The following HAUS2 variants were observed in gnomAD, a reference collection of about 807,000 sequenced individuals.
HAUS2 encodes HAUS augmin-like complex subunit 2.
In HAUS2, 20 loss-of-function variants were observed where a neutral mutation model predicts 21.6. The observed-to-expected ratio is 0.93, with a 90% CI of 0.65 to 1.35. The LOEUF is 1.35. HAUS2 is among the 40% of genes most tolerant of loss of function. The pLI, the probability that HAUS2 is intolerant of heterozygous loss-of-function variation, is 0.00. For missense variants in HAUS2, 297 were observed against 280.7 expected, an observed-to-expected ratio of 1.06 and a Z score of -0.42; for synonymous variants, 113 against 95.6, an observed-to-expected ratio of 1.18 and a Z score of -1.06.
chr15:42,563,414 A>G, intron 4 of HAUS2, among the ~76,000 whole-genome samples: 1 of 146,084 alleles, frequency 6.8e-6, no homozygotes. Flanking sequence ...CCATCTCAAA[A>G]AAAAAAAAAA....
intron 1 of HAUS2, among the ~76,000 whole-genome samples, chr15:42,556,261 CTTTTT>C (rs1200353279): frequency 6.6e-5 from 5 of 76,304 alleles, no homozygotes; most frequent in South Asian, 4.7e-4. Context: ...TGCGCCCAGG[CTTTTT>C]TTTTTTTTTT....
In HAUS2 at chr15:42,553,037, A is replaced by G. The variant is rs1042129687; in HGVS notation, c.93+4072A>G. On this transcript the variant is annotated intron_variant, in intron 1 of 5. Transcript: ENST00000260372. ...GTTTCGCTCTTACTGCCCAGGGTGG[A>G]GTGCAATGGCACGATCTCAGCTCAC... is the stretch of plus-strand genomic sequence containing the variant. Among the ~76,000 whole-genome samples, 6 of 145,420 alleles carry G rather than the reference A, an allele frequency of 4.1e-5. No individual in the cohort carries two copies. The South Asian group carries it at 1.1e-3, about 26-fold the overall frequency.
At chr15:42,549,310 G>T (rs1381213810) in intron 1 of HAUS2, among the ~76,000 whole-genome samples, 1 of 152,074 alleles carries the variant, frequency 6.6e-6, no homozygotes, top group African/African-American at 2.4e-5. Flanking sequence ...AATACGGGTC[G>T]TTCTGTCCCC....
intron 1 of HAUS2, among the ~76,000 whole-genome samples, chr15:42,553,887 A>G (rs1373673064): frequency 6.6e-6 from 1 of 152,192 alleles, no homozygotes; most frequent in Non-Finnish European, 1.5e-5. Flanking sequence ...GATATGATGG[A>G]AGGGCAGTGG....
At chr15:42,565,413 G>A (rs1034403002) in intron 5 of HAUS2, among the ~76,000 whole-genome samples, 6 of 151,528 alleles carry the variant, frequency 4.0e-5, no homozygotes, top group African/African-American at 1.5e-4. Flanking sequence ...GTGTGTGTGT[G>A]TGTGTGTGTG....
Position 42,558,179 on chromosome 15 carries a change from C to A in HAUS2, c.94-19C>A, listed in dbSNP as rs1039198065. ...CTTTTTGTGACATTCTGCTACTTTC[C>A]TTATTCATTTACCAATAGGAGATGT... On this transcript the variant is annotated intron_variant, in intron 1 of 5. Coordinates refer to ENST00000260372, the MANE Select transcript of HAUS2 (RefSeq NM_018097.3). The A allele has an allele frequency of 5.5e-6, 6 of 1,091,326 alleles. No homozygotes were observed. The highest frequency in any genetic ancestry group is 8.4e-6 in the Non-Finnish European group (6 of 715,856). The allele number at this position is 1,091,326 out of a possible 1,614,324, so 67.6% of individuals were successfully genotyped here.
intron 1 of HAUS2, among the ~76,000 whole-genome samples, chr15:42,557,099 GGT>G (rs1441536958): frequency 6.7e-6 from 1 of 149,908 alleles, no homozygotes; most frequent in African/African-American, 2.5e-5. Context: ...CAGATCATGA[GGT>G]CAGGAGATCG....
At chr15:42,558,154 CTT>C in intron 1 of HAUS2, 42 bp from the exon 2 acceptor site, 1 of 852,120 alleles carries the variant, frequency 1.2e-6, no homozygotes, top group Non-Finnish European at 2.0e-6. Flanking sequence ...TACCTAGAAA[CTT>C]TTTGTGACAT....
At position 42,558,241 on chromosome 15, in the gene HAUS2, A is replaced by T; in HGVS notation, c.137A>T (p.Asn46Ile). 1 of 1,506,154 alleles carries T rather than the reference A, an allele frequency of 6.6e-7. No individual in the cohort carries two copies. The allele number at this position is 1,506,154 out of a possible 1,614,324, so 93.3% of individuals were successfully genotyped here. The stretch of plus-strand genomic sequence containing the variant: ...AAGAAAACAGTTTCTTGTTTTGTGA[A>T]CTTCACCAGACTACAGCAGATCACA... ...MSKKTVSCFV[N>I]FTRLQQITNI... The change falls in exon 2 of 6, where the codon AAC (asparagine) becomes ATC (isoleucine). Residue 46 changes from asparagine to isoleucine, a missense_variant. By Grantham distance (149) the Asn-to-Ile change is moderately radical (BLOSUM62 -3). Coordinates refer to ENST00000260372, the MANE Select transcript of HAUS2 (RefSeq NM_018097.3).
At chr15:42,551,531 C>G (rs2057725142) in intron 1 of HAUS2, among the ~76,000 whole-genome samples, 1 of 151,966 alleles carries the variant, frequency 6.6e-6, no homozygotes. Context: ...ATCCCAGCTA[C>G]TCGGGAAGCC....
intron 3 of HAUS2, among the ~76,000 whole-genome samples, chr15:42,559,838 T>C (rs1366815600): frequency 6.6e-6 from 1 of 152,150 alleles, no homozygotes; most frequent in Non-Finnish European, 1.5e-5. Flanking sequence ...CCACCATGGC[T>C]GGCAATGTTT....
intron 2 of HAUS2, among the ~76,000 whole-genome samples, chr15:42,558,766 T>C (rs2057816588): frequency 6.6e-6 from 1 of 152,004 alleles, no homozygotes; most frequent in African/African-American, 2.4e-5. Flanking sequence ...GAGACCAGTG[T>C]GGGCAACACA....
At chr15:42,554,979 C>CA (rs568361939) in intron 1 of HAUS2, among the ~76,000 whole-genome samples, 3 of 151,762 alleles carry the variant, frequency 2.0e-5, no homozygotes, top group African/African-American at 7.2e-5. Flanking sequence ...AGGCACATGT[C>CA]ACCATGCCTG....
At chr15:42,561,632 A>G (rs1381360405) in intron 4 of HAUS2, 3 of 414,478 alleles carry the variant, frequency 7.2e-6, no homozygotes, top group East Asian at 3.8e-5. Context: ...TTATGAGTTT[A>G]ATGAAAGAAA....
At chr15:42,556,089 G>A (rs1030794984) in intron 1 of HAUS2, among the ~76,000 whole-genome samples, 19 of 151,176 alleles carry the variant, frequency 1.3e-4, no homozygotes, top group Non-Finnish European at 2.4e-4. Context: ...CTGACTAGCT[G>A]GGATTACAGG....
chr15:42,558,880 C>G (rs986108369), intron 2 of HAUS2, among the ~76,000 whole-genome samples: 2 of 151,906 alleles, frequency 1.3e-5, no homozygotes, highest in Non-Finnish European at 2.9e-5. Context: ...ATCACTTGAG[C>G]CTAGGAAATC....
At chr15:42,566,541 T>C (rs2057908695) in intron 5 of HAUS2, 66 bp from the exon 6 acceptor site, 4 of 880,412 alleles carry the variant, frequency 4.5e-6, no homozygotes, top group Non-Finnish European at 7.6e-6. Context: ...TTGGTATCAG[T>C]TACTGATGAT....
At chr15:42,556,277 T>C (rs548537844) in intron 1 of HAUS2, among the ~76,000 whole-genome samples, 2 of 142,462 alleles carry the variant, frequency 1.4e-5, no homozygotes, top group East Asian at 4.0e-4. Context: ...TTTTTTTTTT[T>C]TTTTTTTGAG....
intron 5 of HAUS2, among the ~76,000 whole-genome samples, chr15:42,565,540 G>A (rs200215717): frequency 6.6e-6 from 1 of 151,982 alleles, no homozygotes; most frequent in Non-Finnish European, 1.5e-5. Context: ...TTGAGTATGG[G>A]CAGAGAGTAT....
Sources: gnomAD v4.1 joint callset for allele counts (sites outside exome capture counted in the v4.1 genomes callset) on GRCh38, gnomAD v4.1.1 for gene constraint, MANE v1.5 for transcripts, NCBI Gene and HGNC (gene_info 2026-07-23, HGNC 2026-07-21) for gene names.